CELF2: variants seen among roughly 807,000 people sequenced by gnomAD.
The protein encoded by CELF2 is CUGBP Elav-like family member 2, also known as CUG triplet repeat RNA-binding protein 2.
CELF2 carries 8 observed loss-of-function variants against 62.6 expected under a neutral mutation model. The ratio of observed to expected loss-of-function variants is 0.13; its 90% CI spans 0.07 to 0.23. The LOEUF (loss-of-function observed/expected upper bound fraction) is 0.23, where lower values mean the gene tolerates loss of function less well. Ranked by LOEUF, CELF2 falls within the 10% of genes least tolerant of loss-of-function variation. The pLI is 1.00. For missense variants in CELF2, 333 were observed against 671.0 expected (o/e 0.50, Z 5.56); for synonymous variants, 258 against 250.0 (o/e 1.03, Z -0.30).
At chr10:10,630,960 T>C in the CELF2 span, among the ~76,000 whole-genome samples, 1 of 152,194 alleles carries the variant, frequency 6.6e-6, no homozygotes, top group African/African-American at 2.4e-5. Context: ...AGATAAAATG[T>C]GATGTCATAG....
chr10:11,317,640 T>G (rs2095120736), intron 10 of CELF2: 1 of 152,256 alleles, frequency 6.6e-6, no homozygotes, highest in Non-Finnish European at 1.5e-5. Flanking sequence ...TGGCTTGTGA[T>G]TCTCCTTTTC....
chr10:11,271,211 A>G (rs1468256641), intron 7 of CELF2, among the ~76,000 whole-genome samples: 2 of 152,218 alleles, frequency 1.3e-5, no homozygotes, highest in African/African-American at 4.8e-5. Context: ...CCATTCCATG[A>G]TCCTGGCTCT....
the CELF2 span, among the ~76,000 whole-genome samples, chr10:10,607,531 T>C: frequency 0.28 from 42,875 of 152,058 alleles, 6,415 homozygotes; most frequent in South Asian, 0.51. Flanking sequence ...CAAAACACAA[T>C]GGTATCAAAA....
chr10:10,750,052 G>A, the CELF2 span, among the ~76,000 whole-genome samples: 6 of 152,338 alleles, frequency 3.9e-5, no homozygotes, highest in East Asian at 1.2e-3. Flanking sequence ...GGGAGGCCAA[G>A]GCGGGTGGAT....
At chr10:10,909,295 T>C (rs1360408924) in intron 1 of CELF2, among the ~76,000 whole-genome samples, 1 of 152,218 alleles carries the variant, frequency 6.6e-6, no homozygotes, top group Non-Finnish European at 1.5e-5. Context: ...AGAGAGGCTG[T>C]GTCCTTAGAA....
In CELF2 at chr10:11,196,994, G is replaced by GA. The variant is rs1565228501; in HGVS notation, c.272-20429dup. On this transcript the variant is annotated intron_variant, in intron 2 of 12. Transcript: ENST00000633077. ...GAAAGAAAGAGAGAAAGAAAGAAAG[G>GA]AAGGAAGGAGAAAGAAAGAAAGAAA... Among the ~76,000 whole-genome samples, 52 of 61,690 alleles carry GA rather than the reference G, an allele frequency of 8.4e-4. 4 individuals are homozygous for GA. Among genetic ancestry groups the GA allele is most frequent in the African/African-American group, 2.9e-3 (44 of 14,942 alleles). 40.5% of individuals were successfully genotyped at this position (61,690 alleles called of 152,430 possible).
At chr10:10,609,298 A>G in the CELF2 span, among the ~76,000 whole-genome samples, 367 of 152,300 alleles carry the variant, frequency 2.4e-3, 1 homozygote, top group Non-Finnish European at 4.1e-3. Context: ...CAGCACTACC[A>G]TCATCAATTT....
chr10:11,320,425 A>G (rs930317248), intron 10 of CELF2, among the ~76,000 whole-genome samples: 1 of 152,236 alleles, frequency 6.6e-6, no homozygotes, highest in African/African-American at 2.4e-5. Flanking sequence ...GCATGTGTGC[A>G]TGCGTGCACG....
At chr10:11,288,787 C>G (rs2091958823) in intron 9 of CELF2, among the ~76,000 whole-genome samples, 1 of 152,210 alleles carries the variant, frequency 6.6e-6, no homozygotes, top group Non-Finnish European at 1.5e-5. Flanking sequence ...ATCCACTGTG[C>G]AAGCCGTTCT....
chr10:10,801,459 A>C (rs2054655074), intron 1 of CELF2, among the ~76,000 whole-genome samples: 1 of 152,248 alleles, frequency 6.6e-6, no homozygotes. Flanking sequence ...AGCAAAGATA[A>C]AACACAGCCT....
chr10:10,857,630 G>A (rs1474432052), intron 1 of CELF2, among the ~76,000 whole-genome samples: 3 of 115,062 alleles, frequency 2.6e-5, no homozygotes, highest in Admixed American at 9.6e-5. Context: ...AAATATATGT[G>A]GTAAACTACA....
At chr10:11,128,216 C>T (rs182886790) in intron 1 of CELF2, among the ~76,000 whole-genome samples, 2 of 152,216 alleles carry the variant, frequency 1.3e-5, no homozygotes, top group East Asian at 1.9e-4. Flanking sequence ...TTTCTGAGGG[C>T]TCTGTTCTGT....
At chr10:10,844,479 C>G (rs2058887704) in intron 1 of CELF2, among the ~76,000 whole-genome samples, 1 of 152,060 alleles carries the variant, frequency 6.6e-6, no homozygotes, top group Non-Finnish European at 1.5e-5. Context: ...ATAGATAGTA[C>G]AGAAGATTCC....
At chr10:10,894,739 C>T (rs1174913595) in intron 1 of CELF2, among the ~76,000 whole-genome samples, 2 of 152,156 alleles carry the variant, frequency 1.3e-5, no homozygotes, top group Admixed American at 6.6e-5. Flanking sequence ...ATAAATGGTG[C>T]TAATCCTATT....
At chr10:10,565,919 C>T in the CELF2 span, among the ~76,000 whole-genome samples, 15 of 152,188 alleles carry the variant, frequency 9.9e-5, no homozygotes, top group East Asian at 1.9e-3. Flanking sequence ...TGGAGGTTGC[C>T]GTACTTGACT....
At chr10:10,806,203 C>CTTTTTTTTTTTTTTTT (rs112165245) in intron 1 of CELF2, among the ~76,000 whole-genome samples, 2 of 141,442 alleles carry the variant, frequency 1.4e-5, no homozygotes, top group African/African-American at 2.6e-5. Context: ...TTCCAGTGTT[C>CTTTTTTTTTTTTTTTT]TTTTTTTTTT....
rs1402440410 is a variant in CELF2, at chr10:11,285,239, C to G, written c.842-3179C>G. Among the ~76,000 whole-genome samples, 1 of 152,068 alleles carries G rather than the reference C, an allele frequency of 6.6e-6. No homozygotes were observed. Among genetic ancestry groups the G allele is most frequent in the African/African-American group, 2.4e-5 (1 of 41,358 alleles). Reference sequence around the variant, plus strand: ...TTCTTCTCTCCTTTTGTCCTCACATCCCTCAGATGCTGGGGATCACAGTGT... The same window carrying G: ...TTCTTCTCTCCTTTTGTCCTCACATGCCTCAGATGCTGGGGATCACAGTGT... On this transcript the variant is annotated intron_variant, in intron 8 of 12. Transcript: ENST00000633077. The surrounding 1 kb of genome is among the most constrained non-coding windows in gnomAD (Gnocchi z 4.3).
chr10:10,932,177 C>G (rs2066139883), intron 2 of CELF2, among the ~76,000 whole-genome samples: 2 of 152,006 alleles, frequency 1.3e-5, no homozygotes, highest in South Asian at 4.2e-4. Context: ...TACGATGATC[C>G]CTGCCCTTAA....
chr10:10,753,299 C>CTGTGTGTGTGTG, the CELF2 span, among the ~76,000 whole-genome samples: 722 of 149,896 alleles, frequency 4.8e-3, 3 homozygotes, highest in East Asian at 0.032. Flanking sequence ...TTCCAAAGCT[C>CTGTGTGTGTGTG]TGTGTGTGTG....
Sources: allele counts gnomAD v4.1 joint callset (sites outside exome capture counted in the v4.1 genomes callset), GRCh38; gene constraint gnomAD v4.1.1; non-coding constraint Gnocchi (gnomAD v3.1); transcripts MANE v1.5; gene names NCBI Gene and HGNC (gene_info 2026-07-23, HGNC 2026-07-21).